Variants in SMOC2 observed in about 807,000 individuals in gnomAD.
The protein encoded by SMOC2 is SPARC-related modular calcium-binding protein 2.
SMOC2 carries 39 observed loss-of-function variants against 61.4 expected under a neutral mutation model. That is an observed-to-expected ratio of 0.64 (90% confidence interval 0.49 to 0.83). The LOEUF (loss-of-function observed/expected upper bound fraction) is 0.83. SMOC2 is among the 40% of genes least tolerant of loss of function. SMOC2 has a pLI of 0.00. For synonymous variants in SMOC2, 247 were observed against 239.9 expected (o/e 1.03, Z -0.27); for missense variants, 556 against 592.9 (o/e 0.94, Z 0.65).
At chr6:168,650,508 T>A (rs1222103743) in intron 9 of SMOC2, among the ~76,000 whole-genome samples, 173 bp from the exon 10 acceptor site, 1 of 152,236 alleles carries the variant, frequency 6.6e-6, no homozygotes, top group African/African-American at 2.4e-5. Flanking sequence ...ATAATAGCTA[T>A]GGCTCAAAAT....
chr6:168,500,558 C>T (rs112062485), intron 1 of SMOC2, among the ~76,000 whole-genome samples: 2,595 of 152,154 alleles, frequency 0.017, 61 homozygotes, highest in African/African-American at 0.054. Flanking sequence ...CACCTTCTCT[C>T]GGCCCTGCTA....
At chr6:168,650,333 G>A (rs150760858) in intron 9 of SMOC2, among the ~76,000 whole-genome samples, 202 of 152,268 alleles carry the variant, frequency 1.3e-3, no homozygotes, top group African/African-American at 4.7e-3. Context: ...TGTGCTCTCA[G>A]CGTGCACTCC....
At chr6:168,518,059 A>AGTG (rs1783187765) in intron 2 of SMOC2, among the ~76,000 whole-genome samples, 1 of 152,180 alleles carries the variant, frequency 6.6e-6, no homozygotes, top group Non-Finnish European at 1.5e-5. Context: ...CCTCGTACTC[A>AGTG]GCGGCCTAGA....
intron 11 of SMOC2, among the ~76,000 whole-genome samples, chr6:168,653,695 ACC>A: frequency 5.4e-5 from 7 of 128,996 alleles, no homozygotes; most frequent in African/African-American, 1.9e-4. Context: ...CCAACCCTCT[ACC>A]TGAGCTCCAA....
At chr6:168,522,953 G>A (rs1179859031) in intron 2 of SMOC2, among the ~76,000 whole-genome samples, 1 of 152,130 alleles carries the variant, frequency 6.6e-6, no homozygotes, top group Non-Finnish European at 1.5e-5. Flanking sequence ...TGGGAATGAG[G>A]AGAATGTTCT....
At chr6:168,528,260 C>A (rs1583082781) in intron 4 of SMOC2, among the ~76,000 whole-genome samples, 1 of 118,408 alleles carries the variant, frequency 8.4e-6, no homozygotes. Context: ...TTCTCTTTCC[C>A]ATTAGTGTTT....
intron 7 of SMOC2, among the ~76,000 whole-genome samples, chr6:168,565,906 C>T (rs779612982): frequency 1.3e-4 from 20 of 152,124 alleles, no homozygotes; most frequent in African/African-American, 3.6e-4. Flanking sequence ...TACAAGTTTC[C>T]GTTTTGAACT....
chr6:168,537,805 G>C (rs1191928796), intron 4 of SMOC2, among the ~76,000 whole-genome samples: 1 of 150,542 alleles, frequency 6.6e-6, no homozygotes, highest in Non-Finnish European at 1.5e-5. Flanking sequence ...AGGGTGGATG[G>C]ATGCAGTTCT....
At chr6:168,599,518 ACT>A (rs1785458729) in intron 8 of SMOC2, among the ~76,000 whole-genome samples, 1 of 85,232 alleles carries the variant, frequency 1.2e-5, no homozygotes, top group Non-Finnish European at 2.2e-5. Context: ...TCACACACAC[ACT>A]CATACCCCCA....
At chr6:168,612,515 G>C (rs889876063) in intron 9 of SMOC2, among the ~76,000 whole-genome samples, 1 of 149,090 alleles carries the variant, frequency 6.7e-6, no homozygotes, top group Non-Finnish European at 1.5e-5. Context: ...GATCTCCATC[G>C]GGGAGAGGGT....
chr6:168,558,862 T>C (rs369021112), intron 7 of SMOC2, among the ~76,000 whole-genome samples: 1 of 106,498 alleles, frequency 9.4e-6, no homozygotes, highest in South Asian at 2.6e-4. Flanking sequence ...CGTGTGCGCA[T>C]GTGTGTGCAT....
At chr6:168,583,086 A>G (rs902536166) in intron 7 of SMOC2, among the ~76,000 whole-genome samples, 4 of 152,270 alleles carry the variant, frequency 2.6e-5, no homozygotes, top group Non-Finnish European at 5.9e-5. Flanking sequence ...CTTACTTAAG[A>G]AAAGTTACCA....
chr6:168,501,311 G>A (rs534311578), intron 1 of SMOC2, among the ~76,000 whole-genome samples: 1 of 152,182 alleles, frequency 6.6e-6, no homozygotes, highest in Non-Finnish European at 1.5e-5. Flanking sequence ...AATTAACATG[G>A]ATGTGGAGAC....
intron 1 of SMOC2, among the ~76,000 whole-genome samples, chr6:168,444,282 A>C (rs1259067356): frequency 6.6e-6 from 1 of 152,000 alleles, no homozygotes; most frequent in Non-Finnish European, 1.5e-5. Context: ...GAAATATGTC[A>C]GCCTCTCTGG....
intron 7 of SMOC2, among the ~76,000 whole-genome samples, chr6:168,568,842 A>G (rs1784603635): frequency 6.6e-6 from 1 of 152,150 alleles, no homozygotes; most frequent in African/African-American, 2.4e-5. Flanking sequence ...CTCTGTTACT[A>G]ATATTCGTTT....
chr6:168,458,881 T>C (rs867726158), intron 1 of SMOC2, among the ~76,000 whole-genome samples: 18 of 152,240 alleles, frequency 1.2e-4, no homozygotes, highest in African/African-American at 4.3e-4. Context: ...TGTATAATAA[T>C]TAAAGCTAAT....
At chr6:168,518,701 CAT>C (rs1562566544) in intron 2 of SMOC2, among the ~76,000 whole-genome samples, 1 of 145,542 alleles carries the variant, frequency 6.9e-6, no homozygotes, top group African/African-American at 2.6e-5. Context: ...TATGAGCGTG[CAT>C]GTGTGAGTGT....
At chr6:168,542,307 C>T (rs1562337548) in intron 4 of SMOC2, among the ~76,000 whole-genome samples, 1 of 152,106 alleles carries the variant, frequency 6.6e-6, no homozygotes, top group Non-Finnish European at 1.5e-5. Context: ...CCAAGAAAAA[C>T]CTTGTATTGC....
intron 2 of SMOC2, among the ~76,000 whole-genome samples, chr6:168,510,307 A>G (rs1782976773): frequency 6.6e-6 from 1 of 152,216 alleles, no homozygotes; most frequent in South Asian, 2.1e-4. Context: ...TTATTCCACC[A>G]TGAAAGAAAT....
Sources: gnomAD v4.1 joint callset for allele counts (sites outside exome capture counted in the v4.1 genomes callset) on GRCh38, gnomAD v4.1.1 for gene constraint, MANE v1.5 for transcripts, NCBI Gene and HGNC (gene_info 2026-07-23, HGNC 2026-07-21) for gene names.